SPMIP2: variants seen among roughly 807,000 people sequenced by gnomAD.
SPMIP2 encodes protein SPMIP2.
the SPMIP2 span, among the ~76,000 whole-genome samples, chr4:159,050,572 G>C: frequency 5.9e-5 from 9 of 152,108 alleles, no homozygotes; most frequent in African/African-American, 2.2e-4. Flanking sequence ...TGAGGCTGAA[G>C]CAGGAGGATT....
the SPMIP2 span, among the ~76,000 whole-genome samples, chr4:158,955,426 A>G: frequency 1.0e-3 from 157 of 152,196 alleles, no homozygotes; most frequent in African/African-American, 3.6e-3. Context: ...TTTTTTTGAG[A>G]CAGAGTCTCA....
the SPMIP2 span, among the ~76,000 whole-genome samples, chr4:159,076,117 G>A: frequency 2.6e-3 from 393 of 152,312 alleles, 2 homozygotes; most frequent in African/African-American, 8.9e-3. Flanking sequence ...CTGTGAGTCA[G>A]ACACTATTGT....
chr4:159,060,463 A>G, the SPMIP2 span, among the ~76,000 whole-genome samples: 1 of 152,236 alleles, frequency 6.6e-6, no homozygotes, highest in Non-Finnish European at 1.5e-5. Context: ...TTTAGTGTTT[A>G]GAGCTGGTGA....
chr4:159,008,089 C>T, the SPMIP2 span, among the ~76,000 whole-genome samples: 2 of 151,802 alleles, frequency 1.3e-5, no homozygotes, highest in African/African-American at 4.8e-5. Flanking sequence ...TAAGTAGATA[C>T]AGTACAAAAT....
At chr4:159,001,640 T>G in the SPMIP2 span, among the ~76,000 whole-genome samples, 1 of 152,236 alleles carries the variant, frequency 6.6e-6, no homozygotes, top group East Asian at 1.9e-4. Flanking sequence ...GCTAATGGCC[T>G]CCAGTTCTAT....
At chr4:158,930,275 A>C in the SPMIP2 span, among the ~76,000 whole-genome samples, 1 of 151,732 alleles carries the variant, frequency 6.6e-6, no homozygotes, top group African/African-American at 2.4e-5. Context: ...GCAGTGGTAC[A>C]ATCACAGCTC....
At chr4:158,972,282 A>G in the SPMIP2 span, among the ~76,000 whole-genome samples, 6 of 152,172 alleles carry the variant, frequency 3.9e-5, no homozygotes, top group South Asian at 1.2e-3. Flanking sequence ...GAATCGCTTG[A>G]ACCCAGGAGG....
the SPMIP2 span, among the ~76,000 whole-genome samples, chr4:158,983,187 G>A: frequency 6.6e-6 from 1 of 152,136 alleles, no homozygotes; most frequent in African/African-American, 2.4e-5. Context: ...ATGTCTGATT[G>A]GTGTACCTGA....
the SPMIP2 span, among the ~76,000 whole-genome samples, chr4:158,943,078 A>G: frequency 1.3e-5 from 2 of 152,256 alleles, no homozygotes; most frequent in Non-Finnish European, 2.9e-5. Flanking sequence ...GTCAACATTT[A>G]AATATAAAGT....
At chr4:158,952,527 T>C in the SPMIP2 span, among the ~76,000 whole-genome samples, 1 of 152,226 alleles carries the variant, frequency 6.6e-6, no homozygotes, top group African/African-American at 2.4e-5. Context: ...AAGTGTGTCT[T>C]TATCAGCAGC....
chr4:158,974,549 C>A, the SPMIP2 span, among the ~76,000 whole-genome samples: 1 of 151,936 alleles, frequency 6.6e-6, no homozygotes, highest in Non-Finnish European at 1.5e-5. Flanking sequence ...TGAGGGAGGA[C>A]ATGCAGTGTT....
chr4:159,071,534 G>A, the SPMIP2 span, among the ~76,000 whole-genome samples: 2 of 152,180 alleles, frequency 1.3e-5, no homozygotes, highest in South Asian at 4.1e-4. Context: ...GCAAACACAG[G>A]GCAGCAATGA....
At chr4:159,037,001 T>C in the SPMIP2 span, among the ~76,000 whole-genome samples, 4 of 152,210 alleles carry the variant, frequency 2.6e-5, no homozygotes, top group African/African-American at 9.6e-5. Flanking sequence ...CACTCACCTG[T>C]GGTTTTAAGG....
chr4:159,045,882 G>C, the SPMIP2 span, among the ~76,000 whole-genome samples: 2 of 152,156 alleles, frequency 1.3e-5, no homozygotes, highest in African/African-American at 4.8e-5. Flanking sequence ...TCTCTCACAT[G>C]GTTGTTGGCA....
At chr4:158,959,604 A>G in the SPMIP2 span, among the ~76,000 whole-genome samples, 4 of 152,196 alleles carry the variant, frequency 2.6e-5, no homozygotes, top group Admixed American at 6.5e-5. Context: ...AAAGTGAAGT[A>G]AAATAAGCCC....
At chr4:158,990,568 G>T in the SPMIP2 span, among the ~76,000 whole-genome samples, 43,447 of 152,070 alleles carry the variant, frequency 0.29, 6,679 homozygotes, top group South Asian at 0.41. Context: ...ATAAAGATGA[G>T]GTCATGTTCT....
At chr4:158,979,801 T>TGG in the SPMIP2 span, among the ~76,000 whole-genome samples, 2 of 147,408 alleles carry the variant, frequency 1.4e-5, no homozygotes, top group East Asian at 2.0e-4. Context: ...TTTTTTTTTT[T>TGG]TTTTTTTTTT....
chr4:159,000,642 C>T, the SPMIP2 span, among the ~76,000 whole-genome samples: 24 of 151,788 alleles, frequency 1.6e-4, no homozygotes, highest in South Asian at 4.2e-4. Context: ...TACAGGCACA[C>T]GCCACCACGC....
chr4:158,936,783 A>G, the SPMIP2 span, among the ~76,000 whole-genome samples: 3 of 152,286 alleles, frequency 2.0e-5, no homozygotes, highest in South Asian at 6.2e-4. Context: ...GATGTATTTA[A>G]TCATATTTTC....
Sources: gnomAD v4.1 joint callset for allele counts (sites outside exome capture counted in the v4.1 genomes callset) on GRCh38, gnomAD v4.1.1 for gene constraint, MANE v1.5 for transcripts, NCBI Gene and HGNC (gene_info 2026-07-23, HGNC 2026-07-21) for gene names.